The following ALS2CL variants were observed in gnomAD, a reference collection of about 807,000 sequenced individuals.
The protein encoded by ALS2CL is ALS2 C-terminal like, also known as ALS2 C-terminal-like protein.
A neutral mutation model predicts 127.9 loss-of-function variants in ALS2CL; 112 were observed. That is an observed-to-expected ratio of 0.88 (90% CI 0.75 to 1.02). The LOEUF is 1.02. ALS2CL is among the 50% of genes least tolerant of loss of function. The probability of loss-of-function intolerance (pLI) is 0.00; values close to 1 mark genes in which losing one functional copy is unlikely to be tolerated. For missense variants in ALS2CL, 1,174 were observed against 1,236.7 expected (o/e 0.95, Z 0.76); for synonymous variants, 519 against 527.6 (o/e 0.98, Z 0.22).
At chr3:46,676,595 G>A in intron 18 of ALS2CL, 47 bp downstream of exon 18, 1 of 1,596,610 alleles carries the variant, frequency 6.3e-7, no homozygotes, top group South Asian at 1.1e-5. Context: ...TCCCCACCAG[G>A]GACAGTGACA....
In ALS2CL at chr3:46,675,853, G is replaced by A. The variant is rs894767494; in HGVS notation, c.2187-167C>T. The stretch of plus-strand genomic sequence containing the variant: ...AGTTAGAAGGTTGGAGCTCCAGGAT[G>A]TTAGCCTGAGAATCCAGCAGCAGAA... On this transcript the variant is annotated intron_variant, in intron 19 of 25. Coordinates refer to ENST00000318962, the MANE Select transcript of ALS2CL (RefSeq NM_147129.5). 269 of 1,455,710 alleles carry A rather than the reference G, an allele frequency of 1.8e-4. 2 individuals carry two copies. The highest frequency in any genetic ancestry group is 3.3e-4 in the Admixed American group (13 of 38,898). 90.2% of individuals were successfully genotyped at this position (1,455,710 alleles called of 1,614,324 possible).
Position 46,675,710 on chromosome 3 carries a change from GGT to G in ALS2CL, c.2187-26_2187-25del, listed in dbSNP as rs755764008. 4 of 1,612,664 alleles carry G rather than the reference GGT, an allele frequency of 2.5e-6. No homozygotes were observed. The African/African-American group carries it at 5.3e-5, about 22-fold the overall frequency. ...CCCTGTGAGTCAATGAGAGAGAAAT[GGT>G]GTGGCTGCCCCTTGCCACAGAACTG... On this transcript the variant is annotated intron_variant, in intron 19 of 25. Coordinates refer to ENST00000318962, the MANE Select transcript of ALS2CL (RefSeq NM_147129.5).
intron 10 of ALS2CL, 110 bp from the exon 11 acceptor site, chr3:46,682,204 T>C: frequency 8.7e-7 from 1 of 1,147,986 alleles, no homozygotes; most frequent in Non-Finnish European, 1.3e-6. Flanking sequence ...CTGGGCTCCC[T>C]GCACCCACCC....
intron 9 of ALS2CL, 147 bp downstream of exon 9, chr3:46,683,635 A>T: frequency 9.8e-7 from 1 of 1,021,680 alleles, no homozygotes. Context: ...CTAATTCTTG[A>T]CCCCGATTTA....
Position 46,680,422 on chromosome 3 carries a change from C to A in ALS2CL, c.1548+8G>T. 6.2e-7 allele frequency: 1 copy of A among 1,611,842 alleles called. No homozygotes were observed. The highest frequency in any genetic ancestry group is 1.1e-5 in the South Asian group (1 of 91,042). On this transcript the variant is annotated splice_region_variant and intron_variant, in intron 14 of 25. Transcript: ENST00000318962. ...AGAGAGGGATAGCCCAGGATACACTCCACTCACCACCGTCTTGTCCGCCTG... is the reference window on the plus strand; with the variant it reads ...AGAGAGGGATAGCCCAGGATACACTACACTCACCACCGTCTTGTCCGCCTG...
intron 14 of ALS2CL, chr3:46,679,723 T>C (rs76244082): frequency 0.014 from 2,110 of 155,766 alleles, 51 homozygotes; most frequent in African/African-American, 0.047. Flanking sequence ...CCAAATCTAT[T>C]TTGTGTACTT....
intron 8 of ALS2CL, 48 bp from the exon 9 acceptor site, chr3:46,683,896 T>C: frequency 1.2e-6 from 2 of 1,612,822 alleles, no homozygotes; most frequent in Non-Finnish European, 8.5e-7. Flanking sequence ...TCCAGGAGGG[T>C]GGAGGGGCCC....
chr3:46,677,889 C>T (rs1276610555), intron 16 of ALS2CL, among the ~76,000 whole-genome samples: 2 of 151,996 alleles, frequency 1.3e-5, no homozygotes, highest in South Asian at 2.1e-4. Context: ...GTTGTAAATG[C>T]CGTAGGACAT....
chr3:46,689,218 G>T, intron 2 of ALS2CL, 120 bp downstream of exon 2: 1 of 1,010,614 alleles, frequency 9.9e-7, no homozygotes, highest in Non-Finnish European at 1.5e-6. Flanking sequence ...GATACCAGGT[G>T]TCACCACTCC....
rs752360050 is a variant in ALS2CL at position 46,687,034 on chromosome 3, G to T, written c.483C>A (p.His161Gln). Residue 161 changes from histidine to glutamine, a missense_variant, in exon 5 of 26, where the codon CAC becomes CAA. His to Gln is a conservative substitution (Grantham distance 24). Coordinates refer to ENST00000318962, the MANE Select transcript of ALS2CL (RefSeq NM_147129.5). The stretch of plus-strand genomic sequence containing the variant: ...GCAGGAGGAGCACGTACTGTTGCAC[G>T]TGATGGGCGAGTGGCTGGTGGAGGG... ...GQALHQPLAH[H>Q]VQQYVLLLLS... 6.2e-7 allele frequency: 1 copy of T among 1,605,606 alleles called. No individual in the cohort carries two copies.
At position 46,675,680 on chromosome 3, in the gene ALS2CL, C is replaced by T; in HGVS notation, c.2193G>A (p.Leu731=). ...CCTTGCGCTCTAAGGCAACTCGCAG[C>T]AGACCCCTGTGAGTCAATGAGAGAG... ...AQELWAAYRG[L]LRVALERKGQ... is the part of the protein sequence containing the mutation. The change falls in exon 20 of 26, where the codon CTG becomes CTA. Residue 731 remains leucine, a synonymous_variant. Coordinates refer to ENST00000318962, the MANE Select transcript of ALS2CL (RefSeq NM_147129.5). 1 of 1,613,696 alleles carries T rather than the reference C, an allele frequency of 6.2e-7. No individual in the cohort carries two copies. The highest frequency in any genetic ancestry group is 8.5e-7 in the Non-Finnish European group (1 of 1,180,022).
chr3:46,681,946 G>C lies in ALS2CL; in HGVS notation c.1175+83C>G, dbSNP rs1699383213. Reference sequence around the variant, plus strand: ...TTGAGGTTTGGGAATTCAGGATGGGGCCGGGCTGGTGACCACAGCAGGGGA... The same window carrying C: ...TTGAGGTTTGGGAATTCAGGATGGGCCCGGGCTGGTGACCACAGCAGGGGA... On this transcript the variant is annotated intron_variant, in intron 11 of 25. Coordinates refer to ENST00000318962, the MANE Select transcript of ALS2CL (RefSeq NM_147129.5). This position sits in a 1 kb window ranked among gnomAD's most constrained non-coding sequence, Gnocchi z 4.9. 1 of 1,479,934 alleles carries C rather than the reference G, an allele frequency of 6.8e-7. No homozygotes were observed. The highest frequency in any genetic ancestry group is 9.3e-7 in the Non-Finnish European group (1 of 1,076,810). The allele number at this position is 1,479,934 out of a possible 1,614,324, so 91.7% of individuals were successfully genotyped here. A position where few individuals can be genotyped will look rare whatever the true frequency, so the allele number is the denominator to read the frequency against.
intron 24 of ALS2CL, 31 bp from the exon 25 acceptor site, chr3:46,671,615 G>A (rs895270311): frequency 1.2e-6 from 2 of 1,613,402 alleles, no homozygotes; most frequent in Non-Finnish European, 1.7e-6. Context: ...AAGAGAGCGA[G>A]GGAGACAAGG....
chr3:46,679,386 G>T, intron 14 of ALS2CL, 99 bp from the exon 15 acceptor site: 1 of 1,031,564 alleles, frequency 9.7e-7, no homozygotes, highest in South Asian at 1.5e-5. Context: ...GATGTGCCCT[G>T]ACACATGGCG....
intron 16 of ALS2CL, among the ~76,000 whole-genome samples, chr3:46,677,741 C>A (rs1361235957): frequency 6.6e-6 from 1 of 152,180 alleles, no homozygotes; most frequent in African/African-American, 2.4e-5. Flanking sequence ...AACTGTTTTC[C>A]AAGGAGGAAC....
chr3:46,688,332 A>G, intron 2 of ALS2CL, 36 bp from the exon 3 acceptor site: 1 of 1,593,288 alleles, frequency 6.3e-7, no homozygotes, highest in South Asian at 1.1e-5. Context: ...TGAGTAGAGG[A>G]CGTGGGCTCC....
intron 13 of ALS2CL, 46 bp from the exon 14 acceptor site, chr3:46,680,587 A>G: frequency 1.9e-6 from 3 of 1,568,944 alleles, no homozygotes. Flanking sequence ...ACTCATTCCC[A>G]TGTACCTCCT....
Position 46,681,660 on chromosome 3 carries a change from C to CCTGGGTGG in ALS2CL, c.1176-63_1176-62insCCACCCAG. The stretch of plus-strand genomic sequence containing the variant: ...ACCTGAGACGCCCATTACACCTACT[C>CCTGGGTGG]CATGCCACCCAGGAGTATCCCTGCC... On this transcript the variant is annotated intron_variant, in intron 11 of 25. Coordinates refer to ENST00000318962, the MANE Select transcript of ALS2CL (RefSeq NM_147129.5). The surrounding 1 kb of genome is among the most constrained non-coding windows in gnomAD (Gnocchi z 4.9). 6.6e-7 allele frequency: 1 copy of CCTGGGTGG among 1,523,140 alleles called. No homozygotes were observed. Among genetic ancestry groups the CCTGGGTGG allele is most frequent in the Non-Finnish European group, 9.1e-7 (1 of 1,102,290 alleles). The allele number at this position is 1,523,140 out of a possible 1,614,324, so 94.4% of individuals were successfully genotyped here.
At chr3:46,687,730 C>T in intron 3 of ALS2CL, 46 bp from the exon 4 acceptor site, 1 of 1,575,912 alleles carries the variant, frequency 6.3e-7, no homozygotes, top group Non-Finnish European at 8.6e-7. Flanking sequence ...TCCTCAGCCC[C>T]AGACCTAAGC....
Sources: allele counts gnomAD v4.1 joint callset (sites outside exome capture counted in the v4.1 genomes callset), GRCh38; gene constraint gnomAD v4.1.1; non-coding constraint Gnocchi (gnomAD v3.1); transcripts MANE v1.5; gene names NCBI Gene and HGNC (gene_info 2026-07-23, HGNC 2026-07-21).